CNGB1: variants seen among roughly 807,000 people sequenced by gnomAD.
CNGB1 encodes cyclic nucleotide-gated channel beta-1.
In CNGB1, 126 loss-of-function variants were observed where a neutral mutation model predicts 151.7. That is an observed-to-expected ratio of 0.83 (90% CI 0.72 to 0.96). The LOEUF (loss-of-function observed/expected upper bound fraction) is 0.96. CNGB1 is among the 40% of genes least tolerant of loss of function. CNGB1 has a pLI of 0.00. For synonymous variants in CNGB1, 623 were observed against 635.1 expected (o/e 0.98, Z 0.29); for missense variants, 1,698 against 1,627.0 (o/e 1.04, Z -0.75).
chr16:57,943,088 A>G (rs1470207438), intron 14 of CNGB1, among the ~76,000 whole-genome samples: 4 of 152,176 alleles, frequency 2.6e-5, no homozygotes, highest in African/African-American at 4.8e-5. Context: ...AACAATCAAC[A>G]TAGTGAAGAA....
chr16:57,928,071 T>A (rs1465175498), intron 17 of CNGB1, among the ~76,000 whole-genome samples: 2 of 152,200 alleles, frequency 1.3e-5, no homozygotes, highest in African/African-American at 4.8e-5. Flanking sequence ...GAAAGAACCA[T>A]CTCTACATCC....
chr16:57,936,053 A>C (rs1358582713), intron 16 of CNGB1, among the ~76,000 whole-genome samples: 5 of 152,224 alleles, frequency 3.3e-5, no homozygotes, highest in Non-Finnish European at 7.3e-5. Flanking sequence ...AAGGGCAAGC[A>C]GGCATGTCTG....
At chr16:57,954,128 A>G (rs1212242641) in intron 12 of CNGB1, among the ~76,000 whole-genome samples, 1 of 152,140 alleles carries the variant, frequency 6.6e-6, no homozygotes, top group Non-Finnish European at 1.5e-5. Context: ...GTCAGGCCCC[A>G]ACTTCTCTAG....
chr16:57,884,148 T>G lies in CNGB1; in HGVS notation c.*16A>C. 6.2e-7 allele frequency: 1 copy of G among 1,613,842 alleles called. No homozygotes were observed. Among genetic ancestry groups the G allele is most frequent in the South Asian group, 1.1e-5 (1 of 91,080 alleles). ...ACACCTGCTGGAACTGCGCGCGGGA[T>G]CCGCCTCACCCCACCTTACTCCGCC... On this transcript the variant is annotated 3_prime_UTR_variant, in exon 33 of 33. Coordinates refer to ENST00000251102, the MANE Select transcript of CNGB1 (RefSeq NM_001297.5).
chr16:57,943,055 A>T (rs1221255383), intron 14 of CNGB1, among the ~76,000 whole-genome samples: 2 of 152,176 alleles, frequency 1.3e-5, no homozygotes, highest in Non-Finnish European at 2.9e-5. Context: ...CATCAAACTA[A>T]AAAGCTTCTG....
intron 31 of CNGB1, among the ~76,000 whole-genome samples, chr16:57,888,424 C>T (rs1959996005): frequency 2.0e-5 from 3 of 151,672 alleles, no homozygotes; most frequent in South Asian, 4.2e-4. Flanking sequence ...TGTCTTCTCT[C>T]CTCTCTCCTC....
chr16:57,898,046 A>G (rs1960283142), intron 29 of CNGB1, 132 bp from the exon 30 acceptor site: 3 of 871,046 alleles, frequency 3.4e-6, no homozygotes, highest in Admixed American at 3.6e-5. Context: ...TGCCACCACA[A>G]CTTGGGGTGT....
chr16:57,933,724 C>CTTTTTT (rs5817126), intron 16 of CNGB1, among the ~76,000 whole-genome samples: 11 of 119,594 alleles, frequency 9.2e-5, no homozygotes, highest in African/African-American at 2.9e-4. Context: ...CTTTTCTTTT[C>CTTTTTT]TTTTTTTTTT....
intron 2 of CNGB1, among the ~76,000 whole-genome samples, chr16:57,965,731 GAC>G (rs1455880037): frequency 1.3e-5 from 2 of 152,056 alleles, no homozygotes; most frequent in Non-Finnish European, 2.9e-5. Context: ...GAAATATGTA[GAC>G]ACATACACAC....
rs183550046 is a variant in CNGB1 at position 57,904,318 on chromosome 16, C to T, written c.2635-337G>A. Among the ~76,000 whole-genome samples the T allele has an allele frequency of 5.8e-4, 88 of 152,234 alleles. 1 individual carries two copies. The East Asian group carries it at 0.013, about 23-fold the overall frequency. On this transcript the variant is annotated intron_variant, in intron 26 of 32. Coordinates refer to ENST00000251102, the MANE Select transcript of CNGB1 (RefSeq NM_001297.5). ...TGACGGCGGCCATGTTGTCTGACTC[C>T]ATGCTGGAGGAAATAGGAAGCCAGT...
chr16:57,929,931 A>C (rs1961300668), intron 17 of CNGB1, among the ~76,000 whole-genome samples: 1 of 152,146 alleles, frequency 6.6e-6, no homozygotes, highest in South Asian at 2.1e-4. Flanking sequence ...GATCCAAAAA[A>C]TAAATAAATA....
At chr16:57,926,114 C>A (rs1036589367) in intron 17 of CNGB1, among the ~76,000 whole-genome samples, 1 of 152,230 alleles carries the variant, frequency 6.6e-6, no homozygotes, top group Non-Finnish European at 1.5e-5. Flanking sequence ...CAATTCCCAG[C>A]AGAAGCTGAA....
chr16:57,898,271 T>C (rs1960289064), intron 29 of CNGB1, among the ~76,000 whole-genome samples: 1 of 152,180 alleles, frequency 6.6e-6, no homozygotes, highest in African/African-American at 2.4e-5. Context: ...GCAAATCAGA[T>C]AGCAGCTCCC....
intron 21 of CNGB1, 132 bp from the exon 22 acceptor site, chr16:57,916,311 G>A: frequency 1.1e-6 from 1 of 902,360 alleles, no homozygotes; most frequent in Admixed American, 1.9e-5. Flanking sequence ...TCTGAGCCTT[G>A]GTGAAAGCCT....
intron 18 of CNGB1, 99 bp downstream of exon 18, chr16:57,923,174 C>T (rs1368172542): frequency 5.7e-6 from 5 of 883,522 alleles, no homozygotes; most frequent in South Asian, 3.0e-5. Context: ...CAAAGTCTGC[C>T]TTGCGGTAGA....
intron 20 of CNGB1, among the ~76,000 whole-genome samples, chr16:57,918,264 T>G (rs1279228749): frequency 6.6e-6 from 1 of 151,846 alleles, no homozygotes; most frequent in Non-Finnish European, 1.5e-5. Context: ...TGTGAGCCAA[T>G]GTACCCAGCC....
At chr16:57,940,434 C>T (rs1292691388) in intron 14 of CNGB1, 113 bp from the exon 15 acceptor site, 48 of 1,014,002 alleles carry the variant, frequency 4.7e-5, no homozygotes, top group Non-Finnish European at 6.3e-5. Flanking sequence ...TACAGAGATG[C>T]CCAAGAACCA....
At chr16:57,950,290 C>G in intron 13 of CNGB1, 91 bp downstream of exon 13, 1 of 1,507,342 alleles carries the variant, frequency 6.6e-7, no homozygotes, top group Non-Finnish European at 9.2e-7. Context: ...GGTTCCTGCT[C>G]TGTGCCTTTT....
intron 31 of CNGB1, among the ~76,000 whole-genome samples, chr16:57,892,896 G>A (rs1386981811): frequency 2.0e-5 from 3 of 152,076 alleles, no homozygotes; most frequent in Non-Finnish European, 2.9e-5. Context: ...ACAGCTCTCC[G>A]TCACTTCCCG....
Sources: allele counts gnomAD v4.1 joint callset (sites outside exome capture counted in the v4.1 genomes callset), GRCh38; gene constraint gnomAD v4.1.1; transcripts MANE v1.5; gene names NCBI Gene and HGNC (gene_info 2026-07-23, HGNC 2026-07-21).